MARCHF1: variants seen among roughly 807,000 people sequenced by gnomAD.
MARCHF1 encodes the protein E3 ubiquitin-protein ligase MARCHF1.
A neutral mutation model predicts 54.2 loss-of-function variants in MARCHF1; 40 were observed. The observed-to-expected ratio is 0.74, with a 90% CI of 0.57 to 0.96. The LOEUF (loss-of-function observed/expected upper bound fraction) is 0.96. Among genes scored for constraint, MARCHF1 ranks in the 40% least tolerant of loss-of-function variants. The pLI is 0.00. For synonymous variants in MARCHF1, 236 were observed against 236.3 expected (o/e 1.00, Z 0.01); for missense variants, 586 against 656.5 (o/e 0.89, Z 1.17).
intron 4 of MARCHF1, among the ~76,000 whole-genome samples, chr4:163,847,684 G>A (rs1251344407): frequency 1.3e-5 from 2 of 149,652 alleles, no homozygotes; most frequent in Middle Eastern, 3.2e-3. Flanking sequence ...GGGTTCAAGC[G>A]ATTCACCTGC....
At chr4:164,209,510 A>T (rs931914988) in intron 1 of MARCHF1, among the ~76,000 whole-genome samples, 4 of 152,200 alleles carry the variant, frequency 2.6e-5, no homozygotes, top group African/African-American at 7.2e-5. Flanking sequence ...TAGTCTCTGA[A>T]ACTATAAGGT....
intron 1 of MARCHF1, among the ~76,000 whole-genome samples, chr4:164,280,554 AT>A (rs1283661253): frequency 6.6e-6 from 1 of 152,100 alleles, no homozygotes; most frequent in Non-Finnish European, 1.5e-5. Flanking sequence ...ATAAACCAAA[AT>A]AAACTCCAGA....
Position 164,345,133 on chromosome 4 carries a change from A to AT in MARCHF1, c.-323+38736dup, listed in dbSNP as rs1449574588. 2.0e-5 allele frequency among the ~76,000 whole-genome samples: 3 copies of AT among 152,232 alleles called. No homozygotes were observed. In the East Asian group the frequency reaches 5.8e-4, roughly 29 times the overall value. On this transcript the variant is annotated intron_variant, in intron 1 of 9. Coordinates refer to ENST00000514618, the MANE Select transcript of MARCHF1 (RefSeq NM_001394959.1). ...ATTTTCAAATAGCTAGAAGGAGAAT[A>AT]TTAAAAATTCCTAACACAAATAATA...
intron 1 of MARCHF1, among the ~76,000 whole-genome samples, chr4:164,161,954 C>G (rs531459227): frequency 1.1e-4 from 16 of 152,168 alleles, no homozygotes; most frequent in African/African-American, 3.9e-4. Flanking sequence ...CATGTTTATT[C>G]CAGGATTTAG....
At chr4:163,826,301 C>A (rs899735238) in intron 4 of MARCHF1, among the ~76,000 whole-genome samples, 1 of 151,900 alleles carries the variant, frequency 6.6e-6, no homozygotes, top group South Asian at 2.1e-4. Flanking sequence ...TATTAAGATA[C>A]CTTTGGAGGG....
intron 4 of MARCHF1, among the ~76,000 whole-genome samples, chr4:163,794,583 T>G (rs1211606255): frequency 6.6e-6 from 1 of 152,206 alleles, no homozygotes; most frequent in African/African-American, 2.4e-5. Context: ...CTGAAATTGA[T>G]GGTGGGGGGT....
intron 4 of MARCHF1, among the ~76,000 whole-genome samples, chr4:163,807,217 G>A (rs1220650678): frequency 6.6e-6 from 1 of 152,138 alleles, no homozygotes; most frequent in South Asian, 2.1e-4. Context: ...AATTTACTAT[G>A]AGGAAAACAT....
intron 4 of MARCHF1, among the ~76,000 whole-genome samples, chr4:163,723,903 G>T (rs1378674618): frequency 6.6e-6 from 1 of 151,890 alleles, no homozygotes; most frequent in African/African-American, 2.4e-5. Context: ...CTCTACACTG[G>T]TTATTTTAGT....
chr4:164,306,983 C>T (rs1372841115), intron 1 of MARCHF1, among the ~76,000 whole-genome samples: 1 of 152,084 alleles, frequency 6.6e-6, no homozygotes, highest in Non-Finnish European at 1.5e-5. Flanking sequence ...GCCCTCTAGC[C>T]TGTAATGATT....
At chr4:163,911,937 C>A (rs1448919846) in intron 3 of MARCHF1, among the ~76,000 whole-genome samples, 1 of 152,068 alleles carries the variant, frequency 6.6e-6, no homozygotes, top group Non-Finnish European at 1.5e-5. Context: ...ATCTGTGGTA[C>A]TATGTTGTGG....
At position 163,714,959 on chromosome 4, in the gene MARCHF1, G is replaced by C. The variant is rs533938869; in HGVS notation, c.112-14096C>G. Among the ~76,000 whole-genome samples, 116 of 152,222 alleles carry C rather than the reference G, an allele frequency of 7.6e-4. 2 individuals are homozygous for C. The South Asian group carries it at 9.7e-3, about 13-fold the overall frequency. On this transcript the variant is annotated intron_variant, in intron 4 of 9. Coordinates refer to ENST00000514618, the MANE Select transcript of MARCHF1 (RefSeq NM_001394959.1). ...AGCCTCCCAAAGTGCTGAGATTATA[G>C]GCATGAGCCACTGCACCCAGCCTAT... is the stretch of plus-strand genomic sequence containing the variant.
chr4:163,879,962 C>A (rs1316272593), intron 3 of MARCHF1, among the ~76,000 whole-genome samples: 5 of 151,960 alleles, frequency 3.3e-5, no homozygotes, highest in African/African-American at 1.2e-4. Flanking sequence ...AAGGTAACAT[C>A]TAATTAGCAA....
At chr4:163,775,446 C>T (rs1375717378) in intron 4 of MARCHF1, among the ~76,000 whole-genome samples, 1 of 152,058 alleles carries the variant, frequency 6.6e-6, no homozygotes, top group East Asian at 1.9e-4. Context: ...AGAACAAAGC[C>T]TATCATGTAG....
intron 5 of MARCHF1, among the ~76,000 whole-genome samples, chr4:163,668,718 T>C (rs779306888): frequency 6.6e-5 from 10 of 152,144 alleles, no homozygotes; most frequent in Non-Finnish European, 1.5e-4. Flanking sequence ...AGCATAAATA[T>C]GGCTTGGGGT....
At chr4:164,199,470 G>A (rs756867800) in intron 1 of MARCHF1, among the ~76,000 whole-genome samples, 2 of 151,960 alleles carry the variant, frequency 1.3e-5, no homozygotes, top group Admixed American at 6.6e-5. Context: ...GGTAAAACCT[G>A]GTTGTTACCA....
chr4:164,340,412 T>C lies in MARCHF1; in HGVS notation c.-323+43458A>G, dbSNP rs779362315. ...ATGCCACCAGGCCTTGATTTATATA[T>C]AGATATATATATATATATATATAGT... On this transcript the variant is annotated intron_variant, in intron 1 of 9. Transcript: ENST00000514618. Among the ~76,000 whole-genome samples the C allele has an allele frequency of 3.3e-3, 340 of 101,588 alleles. 2 individuals carry two copies. Among genetic ancestry groups the C allele is most frequent in the East Asian group, 0.02 (45 of 2,292 alleles). 66.6% of individuals were successfully genotyped at this position (101,588 alleles called of 152,430 possible). A position where few individuals can be genotyped will look rare whatever the true frequency, so the allele number is the denominator to read the frequency against.
At chr4:163,738,390 C>T (rs927003634) in intron 4 of MARCHF1, among the ~76,000 whole-genome samples, 8 of 151,020 alleles carry the variant, frequency 5.3e-5, no homozygotes, top group Non-Finnish European at 1.0e-4. Context: ...CTTATTAAAT[C>T]CCAATACATA....
intron 1 of MARCHF1, among the ~76,000 whole-genome samples, chr4:164,234,115 T>C (rs571259876): frequency 4.3e-4 from 66 of 152,234 alleles, no homozygotes; most frequent in Non-Finnish European, 8.7e-4. Flanking sequence ...AGAGAACCTC[T>C]GGGAAAGTCA....
At chr4:163,839,221 G>A (rs1418562102) in intron 4 of MARCHF1, among the ~76,000 whole-genome samples, 2 of 151,944 alleles carry the variant, frequency 1.3e-5, no homozygotes, top group South Asian at 2.1e-4. Flanking sequence ...AATAACAAGT[G>A]TTGGAAAAAA....
Sources: allele counts gnomAD v4.1 joint callset (sites outside exome capture counted in the v4.1 genomes callset), GRCh38; gene constraint gnomAD v4.1.1; transcripts MANE v1.5; gene names NCBI Gene and HGNC (gene_info 2026-07-23, HGNC 2026-07-21).